Variants in FERMT2 observed in about 807,000 individuals in gnomAD.
The protein encoded by FERMT2 is FERM domain containing kindlin 2.
FERMT2 carries 15 observed loss-of-function variants against 82.7 expected under a neutral mutation model. The ratio of observed to expected loss-of-function variants is 0.18; its 90% CI spans 0.12 to 0.28. FERMT2 has a LOEUF of 0.28. Among genes scored for constraint, FERMT2 ranks in the 10% least tolerant of loss-of-function variants. FERMT2 has a pLI of 1.00. For missense variants in FERMT2, 645 were observed against 809.4 expected (o/e 0.80, Z 2.46); for synonymous variants, 274 against 271.5 (o/e 1.01, Z -0.09).
At chr14:52,936,852 A>T (rs1889858825) in intron 2 of FERMT2, among the ~76,000 whole-genome samples, 1 of 152,160 alleles carries the variant, frequency 6.6e-6, no homozygotes, top group African/African-American at 2.4e-5. Flanking sequence ...TATAGTAATT[A>T]CTATTTAAGG....
At position 52,858,509 on chromosome 14, in the gene FERMT2, A is replaced by G; in HGVS notation, c.1911T>C (p.Ile637=). 1 of 1,614,112 alleles carries G rather than the reference A, an allele frequency of 6.2e-7. No homozygotes were observed. The highest frequency in any genetic ancestry group is 8.5e-7 in the Non-Finnish European group (1 of 1,179,992). Residue 637 remains isoleucine, a synonymous_variant, in exon 15 of 15, where the codon ATT becomes ATC. Transcript: ENST00000341590. ...EFADEVRLSF[I]CTEVDCKVVH... ...CCACTTTGCAATCTACTTCAGTACA[A>G]ATGAAGGACAATCGTACTTCATCTG...
chr14:52,944,303 A>G (rs1890224351), intron 2 of FERMT2, among the ~76,000 whole-genome samples: 1 of 152,234 alleles, frequency 6.6e-6, no homozygotes, highest in African/African-American at 2.4e-5. Context: ...AATTTCTTAT[A>G]ATGTTAATGT....
chr14:52,950,599 C>T, intron 1 of FERMT2, 22 bp from the exon 2 acceptor site: 1 of 1,609,694 alleles, frequency 6.2e-7, no homozygotes, highest in East Asian at 2.2e-5. Flanking sequence ...GAGGAAATGG[C>T]TCTCGTAAGC....
chr14:52,950,301 T>C lies in FERMT2; in HGVS notation c.157+111A>G, dbSNP rs756836208. ...AAGATTTTACATCTCCAAAAAGCAT[T>C]TGCGAGATGCCAAGATTTCTCAAAT... On this transcript the variant is annotated intron_variant, in intron 2 of 14. Transcript: ENST00000341590. 4.6e-6 allele frequency: 5 copies of C among 1,081,054 alleles called. No homozygotes were observed. In the Admixed American group the frequency reaches 6.3e-5, roughly 14 times the overall value. The allele number at this position is 1,081,054 out of a possible 1,614,324, so 67.0% of individuals were successfully genotyped here. A position where few individuals can be genotyped will look rare whatever the true frequency, so the allele number is the denominator to read the frequency against.
At chr14:52,949,040 A>C (rs1890490944) in intron 2 of FERMT2, among the ~76,000 whole-genome samples, 1 of 152,238 alleles carries the variant, frequency 6.6e-6, no homozygotes, top group Admixed American at 6.5e-5. Flanking sequence ...AATACTGTTA[A>C]CTGCCAGTTA....
At chr14:52,868,089 T>C (rs60907157) in intron 10 of FERMT2, among the ~76,000 whole-genome samples, 1,537 of 152,306 alleles carry the variant, frequency 0.01, 28 homozygotes, top group African/African-American at 0.035. Flanking sequence ...ATTTTTATCA[T>C]CTAATGTCTG....
chr14:52,947,221 T>G (rs1354351249), intron 2 of FERMT2, among the ~76,000 whole-genome samples: 1 of 152,224 alleles, frequency 6.6e-6, no homozygotes. Context: ...GGCTCACGTC[T>G]GCAATCTCAA....
At chr14:52,950,839 C>G in intron 1 of FERMT2, 82 bp downstream of exon 1, 1 of 305,502 alleles carries the variant, frequency 3.3e-6, no homozygotes, top group East Asian at 5.6e-5. Flanking sequence ...TGCCGGCCGG[C>G]CCCGAGACAC....
intron 3 of FERMT2, among the ~76,000 whole-genome samples, chr14:52,907,418 C>T (rs1425707852): frequency 6.6e-6 from 1 of 152,016 alleles, no homozygotes; most frequent in East Asian, 1.9e-4. Context: ...AAAAAGGAGA[C>T]TACATGGAAA....
intron 3 of FERMT2, among the ~76,000 whole-genome samples, chr14:52,897,126 T>A (rs1190093671): frequency 6.6e-6 from 1 of 152,024 alleles, no homozygotes; most frequent in African/African-American, 2.4e-5. Context: ...GTTCTTTCAG[T>A]ACCATAAGAC....
In FERMT2 at chr14:52,893,424, A is replaced by T; in HGVS notation, c.395T>A (p.Ile132Asn). 6.3e-7 allele frequency: 1 copy of T among 1,586,422 alleles called. No homozygotes were observed. Among genetic ancestry groups the T allele is most frequent in the Non-Finnish European group, 8.6e-7 (1 of 1,169,034 alleles). Residue 132 changes from isoleucine (I) to asparagine (N), a missense_variant, in exon 4 of 15, where the codon ATC (isoleucine) becomes AAC (asparagine). Ile to Asn is a moderately radical substitution (Grantham distance 149). Coordinates refer to ENST00000341590, the MANE Select transcript of FERMT2 (RefSeq NM_006832.3). ...AVSDICKTFN[I>N]RHPEELSLLK... ...GAGAGAAAGTTCTTCGGGGTGTCTG[A>T]TATCTGTTAATAAAATAGATTGTTT...
chr14:52,907,178 A>G (rs1402524992), intron 3 of FERMT2, among the ~76,000 whole-genome samples: 4 of 152,070 alleles, frequency 2.6e-5, no homozygotes, highest in Admixed American at 1.3e-4. Flanking sequence ...ATGCCCAGCT[A>G]ATTTTTTGGT....
intron 2 of FERMT2, among the ~76,000 whole-genome samples, chr14:52,945,782 T>C (rs1314948790): frequency 6.6e-6 from 1 of 152,220 alleles, no homozygotes; most frequent in African/African-American, 2.4e-5. Flanking sequence ...CAGATTATAA[T>C]AAATTCCTTA....
chr14:52,873,447 G>C (rs923284476), intron 9 of FERMT2, among the ~76,000 whole-genome samples: 4 of 152,158 alleles, frequency 2.6e-5, no homozygotes, highest in Non-Finnish European at 4.4e-5. Context: ...GAAGGAAGAT[G>C]ACAGAGCAGT....
rs766499734 is a variant in FERMT2, at chr14:52,919,108, T to C, written c.391+15A>G. On this transcript the variant is annotated intron_variant, in intron 3 of 14. Transcript: ENST00000341590. ...ACATAACTCGTATTTTAAGAAGAAT[T>C]TATGTAATACTTACTAAAAGTCTTA... The C allele has an allele frequency of 5.8e-6, 9 of 1,550,210 alleles. No individual in the cohort carries two copies. The East Asian group carries it at 1.8e-4, about 31-fold the overall frequency.
chr14:52,924,835 A>T (rs1889160291), intron 2 of FERMT2, among the ~76,000 whole-genome samples: 1 of 152,226 alleles, frequency 6.6e-6, no homozygotes, highest in South Asian at 2.1e-4. Flanking sequence ...ATTTTTAAAA[A>T]GGGAAAGCTA....
chr14:52,914,668 CCAGAACTTTGGGAG>C (rs1238019276), intron 3 of FERMT2, among the ~76,000 whole-genome samples: 1 of 152,034 alleles, frequency 6.6e-6, no homozygotes, highest in Admixed American at 6.6e-5. Context: ...GCCTGCAATC[CCAGAACTTTGGGAG>C]GCCGAGGCAG....
In FERMT2 at chr14:52,868,328, G is replaced by A. The variant is rs111559080; in HGVS notation, c.1274-3475C>T. Among the ~76,000 whole-genome samples the A allele has an allele frequency of 4.2e-3, 635 of 151,840 alleles. 6 individuals carry two copies. Among genetic ancestry groups the A allele is most frequent in the African/African-American group, 0.015 (606 of 41,416 alleles). ...CCTGAGTAGCTGGGATTACAGGCATGTGCCACTGTGCTTGGCTCTCCATCC... is the reference window on the plus strand; with the variant it reads ...CCTGAGTAGCTGGGATTACAGGCATATGCCACTGTGCTTGGCTCTCCATCC... On this transcript the variant is annotated intron_variant, in intron 10 of 14. Transcript: ENST00000341590.
intron 2 of FERMT2, among the ~76,000 whole-genome samples, chr14:52,943,714 T>G (rs1488868154): frequency 3.3e-5 from 5 of 152,200 alleles, no homozygotes; most frequent in Admixed American, 3.3e-4. Flanking sequence ...ATGTGTATGT[T>G]TGTGTGTATA....
Sources: allele counts gnomAD v4.1 joint callset (sites outside exome capture counted in the v4.1 genomes callset), GRCh38; gene constraint gnomAD v4.1.1; transcripts MANE v1.5; gene names NCBI Gene and HGNC (gene_info 2026-07-23, HGNC 2026-07-21).